The following HTT variants were observed in gnomAD, a reference collection of about 807,000 sequenced individuals.
HTT encodes huntington disease protein.
A neutral mutation model predicts 362.3 loss-of-function variants in HTT; 104 were observed. That is an observed-to-expected ratio of 0.29 (90% CI 0.24 to 0.34). HTT has a LOEUF of 0.34. Ranked by LOEUF, HTT falls within the 10% of genes least tolerant of loss-of-function variation. The probability of loss-of-function intolerance (pLI) is 1.00; values close to 1 mark genes in which losing one functional copy is unlikely to be tolerated. For synonymous variants in HTT, 1,577 were observed against 1,548.7 expected (o/e 1.02, Z -0.43); for missense variants, 3,301 against 3,928.6 (o/e 0.84, Z 4.27).
chr4:3,216,270 A>G (rs1720393848), intron 51 of HTT, among the ~76,000 whole-genome samples: 1 of 152,214 alleles, frequency 6.6e-6, no homozygotes, highest in African/African-American at 2.4e-5. Context: ...CTGAATTTGT[A>G]TCTCAAACCT....
chr4:3,186,836 TGC>T (rs372153705), intron 38 of HTT, 117 bp downstream of exon 38: 13 of 697,458 alleles, frequency 1.9e-5, no homozygotes, highest in South Asian at 4.4e-5. Flanking sequence ...CTTGAGAGTT[TGC>T]TTTTTTTTTT....
intron 40 of HTT, among the ~76,000 whole-genome samples, chr4:3,195,086 G>C (rs1472603324): frequency 6.6e-6 from 1 of 152,136 alleles, no homozygotes; most frequent in East Asian, 1.9e-4. Context: ...GCCACTTCTT[G>C]GGTTGATAGT....
At chr4:3,180,423 A>G in intron 35 of HTT, 92 bp from the exon 36 acceptor site, 1 of 1,200,906 alleles carries the variant, frequency 8.3e-7, no homozygotes, top group Non-Finnish European at 1.2e-6. Context: ...GGTTTTCTTT[A>G]TTTCTTGAAA....
chr4:3,146,288 T>G (rs1245935573), intron 24 of HTT, among the ~76,000 whole-genome samples: 7 of 152,186 alleles, frequency 4.6e-5, no homozygotes, highest in African/African-American at 1.7e-4. Context: ...CAATTTGTCT[T>G]TCAATAACTT....
In HTT at chr4:3,116,079, C is replaced by T. The variant is rs1715009577; in HGVS notation, c.890-6C>T. 1 of 1,601,108 alleles carries T rather than the reference C, an allele frequency of 6.2e-7. No individual in the cohort carries two copies. The highest frequency in any genetic ancestry group is 8.5e-7 in the Non-Finnish European group (1 of 1,170,360). ...ATGTTAAGATGTCTTGCTTCCACCC[C>T]CACAGGCTTACTCGTTCCTGTCGAG... is the stretch of plus-strand genomic sequence containing the variant. On this transcript the variant is annotated splice_polypyrimidine_tract_variant and splice_region_variant and intron_variant, in intron 7 of 66. Transcript: ENST00000355072.
chr4:3,086,487 G>A (rs143614224), intron 1 of HTT, among the ~76,000 whole-genome samples: 1 of 152,104 alleles, frequency 6.6e-6, no homozygotes, highest in East Asian at 1.9e-4. Context: ...GGGCAACATC[G>A]TGAGGCCCCG....
chr4:3,131,838 TA>T, intron 16 of HTT, 63 bp downstream of exon 16: 1 of 1,501,660 alleles, frequency 6.7e-7, no homozygotes, highest in Admixed American at 1.8e-5. Flanking sequence ...ACTATTTCAG[TA>T]TTGACTATTT....
At chr4:3,217,265 G>A (rs981200585) in intron 51 of HTT, among the ~76,000 whole-genome samples, 11 of 152,316 alleles carry the variant, frequency 7.2e-5, no homozygotes, top group African/African-American at 1.7e-4. Context: ...TGTCCACAGC[G>A]TCTGCCTTGG....
chr4:3,239,636 G>A (rs1006369416), intron 66 of HTT, among the ~76,000 whole-genome samples: 3 of 152,164 alleles, frequency 2.0e-5, no homozygotes, highest in African/African-American at 7.2e-5. Flanking sequence ...TGCCCTGCCT[G>A]CAGGGCATCC....
At chr4:3,184,828 G>A (rs1224344567) in intron 37 of HTT, among the ~76,000 whole-genome samples, 3 of 152,076 alleles carry the variant, frequency 2.0e-5, no homozygotes, top group Non-Finnish European at 4.4e-5. Context: ...TGGAGAGGAG[G>A]AGGAGCTTGA....
At position 3,136,363 on chromosome 4, in the gene HTT, T is replaced by C. The variant is rs529684647; in HGVS notation, c.2798+37T>C. 5 of 1,134,116 alleles carry C rather than the reference T, an allele frequency of 4.4e-6. No homozygotes were observed. The South Asian group carries it at 6.5e-5, about 15-fold the overall frequency. 70.3% of individuals were successfully genotyped at this position (1,134,116 alleles called of 1,614,324 possible). On this transcript the variant is annotated intron_variant, in intron 21 of 66. Transcript: ENST00000355072. ...TATTTTATCTCTTTTCCTTTTTTGG[T>C]TGAAGTACTAAAAGATACGAGAATG...
intron 35 of HTT, among the ~76,000 whole-genome samples, chr4:3,179,189 A>G (rs1271421105): frequency 2.0e-5 from 3 of 152,168 alleles, no homozygotes; most frequent in South Asian, 2.1e-4. Flanking sequence ...AAGAGCATCA[A>G]CCGGGCTGTG....
At chr4:3,165,423 T>C (rs932130072) in intron 29 of HTT, among the ~76,000 whole-genome samples, 2 of 152,150 alleles carry the variant, frequency 1.3e-5, no homozygotes, top group Admixed American at 1.3e-4. Context: ...ATCTTTGTGG[T>C]GTTCTCTGTA....
chr4:3,132,599 T>A lies in HTT; in HGVS notation c.2274T>A (p.Asp758Glu). The A allele has an allele frequency of 6.2e-7, 1 of 1,614,026 alleles. No individual in the cohort carries two copies. The highest frequency in any genetic ancestry group is 8.5e-7 in the Non-Finnish European group (1 of 1,179,890). Reference sequence around the variant, plus strand: ...TCTCAGACATCTTGAACTACATCGATCATGGAGACCCACAGGTTCGAGGAG... The same window carrying A: ...TCTCAGACATCTTGAACTACATCGAACATGGAGACCCACAGGTTCGAGGAG... ...QYVSDILNYI[D>E]HGDPQVRGAT... Residue 758 changes from aspartate to glutamate, a missense_variant, in exon 17 of 67, where the codon GAT becomes GAA. Transcript: ENST00000355072.
At chr4:3,221,484 A>AT (rs1315658439) in intron 53 of HTT, among the ~76,000 whole-genome samples, 1 of 151,592 alleles carries the variant, frequency 6.6e-6, no homozygotes, top group Non-Finnish European at 1.5e-5. Context: ...TTCTTTGTTC[A>AT]TTTTTTTCCC....
intron 31 of HTT, 65 bp from the exon 32 acceptor site, chr4:3,174,656 G>C: frequency 7.9e-7 from 1 of 1,272,618 alleles, no homozygotes; most frequent in Non-Finnish European, 1.1e-6. Context: ...GAGTATATCT[G>C]AGTGCAGAGG....
intron 29 of HTT, among the ~76,000 whole-genome samples, chr4:3,170,780 T>C (rs1255657036): frequency 1.3e-5 from 2 of 152,196 alleles, no homozygotes; most frequent in Admixed American, 6.5e-5. Context: ...TCATTGCTCA[T>C]GTCCAGTGTC....
intron 6 of HTT, among the ~76,000 whole-genome samples, chr4:3,112,696 A>G (rs1321314146): frequency 6.6e-6 from 1 of 152,226 alleles, no homozygotes; most frequent in East Asian, 1.9e-4. Context: ...TATTGCGAGC[A>G]GTGCTACTGT....
intron 2 of HTT, 135 bp downstream of exon 2, chr4:3,087,157 TC>T: frequency 1.9e-6 from 1 of 531,898 alleles, no homozygotes; most frequent in Non-Finnish European, 3.5e-6. Flanking sequence ...AGGACCCTTT[TC>T]CCATATTTCT....
Sources: gnomAD v4.1 joint callset for allele counts (sites outside exome capture counted in the v4.1 genomes callset) on GRCh38, gnomAD v4.1.1 for gene constraint, MANE v1.5 for transcripts, NCBI Gene and HGNC (gene_info 2026-07-23, HGNC 2026-07-21) for gene names.